Variants in CCDC180 observed in about 807,000 individuals in gnomAD.
CCDC180 encodes the protein coiled-coil domain-containing protein 180.
A neutral mutation model predicts 209.2 loss-of-function variants in CCDC180; 154 were observed. That is an observed-to-expected ratio of 0.74 (90% CI 0.65 to 0.84). The LOEUF is 0.84. Ranked by LOEUF, CCDC180 falls within the 40% of genes least tolerant of loss-of-function variation. The probability of loss-of-function intolerance (pLI) is 0.00; values close to 1 mark genes in which losing one functional copy is unlikely to be tolerated. For synonymous variants in CCDC180, 778 were observed against 749.1 expected, an observed-to-expected ratio of 1.04 and a Z score of -0.63; for missense variants, 1,874 against 1,997.3, an observed-to-expected ratio of 0.94 and a Z score of 1.18.
Position 97,366,399 on chromosome 9 carries a change from G to A in CCDC180, c.4048-160G>A, listed in dbSNP as rs1443307830. On this transcript the variant is annotated intron_variant, in intron 30 of 36. Coordinates refer to ENST00000529487, the MANE Select transcript of CCDC180 (RefSeq NM_020893.6). The surrounding 1 kb of genome is among the most constrained non-coding windows in gnomAD (Gnocchi z 4.3). Reference sequence around the variant, plus strand: ...AGGTGGGCCCAGGGAGGCGACACGGGCAGACAGGGAAGGAGGAGTGTCTGC... The same window carrying A: ...AGGTGGGCCCAGGGAGGCGACACGGACAGACAGGGAAGGAGGAGTGTCTGC... 6.6e-6 allele frequency among the ~76,000 whole-genome samples: 1 copy of A among 152,230 alleles called. No individual in the cohort carries two copies. The highest frequency in any genetic ancestry group is 2.4e-5 in the African/African-American group (1 of 41,454).
At chr9:97,361,514 T>G (rs1826751195) in intron 26 of CCDC180, among the ~76,000 whole-genome samples, 1 of 151,922 alleles carries the variant, frequency 6.6e-6, no homozygotes, top group Admixed American at 6.6e-5. Flanking sequence ...CCCGGGAAAA[T>G]TTCTAAAGGC....
intron 19 of CCDC180, among the ~76,000 whole-genome samples, chr9:97,346,985 C>T (rs1587817357): frequency 6.6e-6 from 1 of 152,318 alleles, no homozygotes; most frequent in East Asian, 1.9e-4. Flanking sequence ...GAAATAGGAA[C>T]ATTGCTGATA....
chr9:97,342,439 AC>A (rs1220050045), intron 18 of CCDC180, among the ~76,000 whole-genome samples: 29 of 151,618 alleles, frequency 1.9e-4, no homozygotes, highest in African/African-American at 6.8e-4. Context: ...CTTGGAACAG[AC>A]CTCTAATTTT....
intron 22 of CCDC180, among the ~76,000 whole-genome samples, chr9:97,352,389 G>A (rs1826445336): frequency 6.6e-6 from 1 of 152,148 alleles, no homozygotes; most frequent in Non-Finnish European, 1.5e-5. Context: ...TGGGCTCTGG[G>A]TGTGGTGTCA....
At chr9:97,338,935 T>G (rs963350359) in intron 18 of CCDC180, among the ~76,000 whole-genome samples, 5 of 152,238 alleles carry the variant, frequency 3.3e-5, no homozygotes, top group South Asian at 2.1e-4. Flanking sequence ...TCTCTTTTGA[T>G]CTTTGTTGGT....
At chr9:97,345,715 C>G in intron 19 of CCDC180, 1 of 300,696 alleles carries the variant, frequency 3.3e-6, no homozygotes, top group South Asian at 2.8e-5. Context: ...AGTGCTGCTG[C>G]ACTCCTGACT....
chr9:97,355,437 T>C (rs984026736), intron 24 of CCDC180, among the ~76,000 whole-genome samples: 1 of 152,194 alleles, frequency 6.6e-6, no homozygotes, highest in Non-Finnish European at 1.5e-5. Context: ...ATTACAGACA[T>C]GAGCCACTGC....
In CCDC180 at chr9:97,312,135, G is replaced by A; in HGVS notation, c.283G>A (p.Glu95Lys). ...CAGGGAAAAGGAAAGAGCCAAGAGG[G>A]AAAAAGCCCGAGAGAGTGAGAACAC... ...LHREKERAKR[E>K]KARESENTIA... Residue 95 changes from glutamate (E) to lysine (K), a missense_variant, in exon 4 of 37, where the codon GAA becomes AAA. By Grantham distance (56) the Glu-to-Lys change is moderately conservative. Coordinates refer to ENST00000529487, the MANE Select transcript of CCDC180 (RefSeq NM_020893.6). The A allele has an allele frequency of 1.2e-6, 2 of 1,613,924 alleles. No homozygotes were observed. The highest frequency in any genetic ancestry group is 1.1e-5 in the South Asian group (1 of 91,070).
intron 22 of CCDC180, 136 bp downstream of exon 22, chr9:97,350,691 C>A: frequency 1.1e-6 from 1 of 942,236 alleles, no homozygotes; most frequent in Non-Finnish European, 1.6e-6. Flanking sequence ...TTTTTAGGTG[C>A]ACAGATCAGT....
chr9:97,362,494 A>C, intron 28 of CCDC180, 53 bp downstream of exon 28: 1 of 1,583,108 alleles, frequency 6.3e-7, no homozygotes, highest in Non-Finnish European at 8.6e-7. Context: ...CCCCCACACA[A>C]AGGCAGGAGA....
intron 8 of CCDC180, 127 bp from the exon 9 acceptor site, chr9:97,316,938 C>A: frequency 1.2e-6 from 1 of 850,840 alleles, no homozygotes; most frequent in Non-Finnish European, 1.8e-6. Context: ...GGCCCTGCAA[C>A]CACCCCACTT....
chr9:97,335,417 G>C (rs1175900025), intron 18 of CCDC180, among the ~76,000 whole-genome samples: 1 of 152,080 alleles, frequency 6.6e-6, no homozygotes, highest in South Asian at 2.1e-4. Flanking sequence ...CTATGAGTGA[G>C]AACATACAGT....
At position 97,308,007 on chromosome 9, in the gene CCDC180, C is replaced by T; in HGVS notation, c.-57C>T. On this transcript the variant is annotated 5_prime_UTR_variant, in exon 2 of 37. Transcript: ENST00000529487. ...GGAATTGGAATTGAGACACCAAAGC[C>T]TAGACGCGTTTCCTGGACGACGGCT... The T allele has an allele frequency of 6.2e-7, 1 of 1,608,310 alleles. No individual in the cohort carries two copies. The highest frequency in any genetic ancestry group is 8.5e-7 in the Non-Finnish European group (1 of 1,177,328).
chr9:97,378,489 C>A lies in CCDC180; in HGVS notation c.*1595C>A, dbSNP rs1273360526. On this transcript the variant is annotated 3_prime_UTR_variant, in exon 37 of 37. Transcript: ENST00000529487. Reference sequence around the variant, plus strand: ...CAACAGGTCACAGGACAGCACTTAACCTTACTAGAAAGGCTGCTTTCTAAT... The same window carrying A: ...CAACAGGTCACAGGACAGCACTTAAACTTACTAGAAAGGCTGCTTTCTAAT... The A allele has an allele frequency of 6.6e-6, 1 of 152,210 alleles. No homozygotes were observed. Among genetic ancestry groups the A allele is most frequent in the Non-Finnish European group, 1.5e-5 (1 of 68,044 alleles). The allele number at this position is 152,210 out of a possible 1,614,324, so 9.4% of individuals were successfully genotyped here. A position where few individuals can be genotyped will look rare whatever the true frequency, so the allele number is the denominator to read the frequency against.
chr9:97,375,089 G>C (rs1827210924), intron 35 of CCDC180, among the ~76,000 whole-genome samples: 1 of 152,208 alleles, frequency 6.6e-6, no homozygotes, highest in African/African-American at 2.4e-5. Context: ...GATTTGCCCA[G>C]CTATGTTCTC....
At chr9:97,361,538 T>G (rs1826752119) in intron 26 of CCDC180, among the ~76,000 whole-genome samples, 188 bp from the exon 27 acceptor site, 1 of 152,050 alleles carries the variant, frequency 6.6e-6, no homozygotes, top group Admixed American at 6.5e-5. Context: ...AATAAACGGA[T>G]GAATGAATGA....
In CCDC180 at chr9:97,366,654, G is replaced by A. The variant is rs1313107559; in HGVS notation, c.4143G>A (p.Leu1381=). The A allele has an allele frequency of 2.5e-6, 4 of 1,614,186 alleles. No homozygotes were observed. In the Admixed American group the frequency reaches 6.7e-5, roughly 27 times the overall value. Residue 1381 remains leucine, a synonymous_variant, in exon 31 of 37, where the codon CTG becomes CTA. Transcript: ENST00000529487. This position sits in a 1 kb window ranked among gnomAD's most constrained non-coding sequence, Gnocchi z 4.3. ...CCGAGAACATTAGCAAAAAGATCCTGGAGTATCAGAGCCAGGCAAATAAGT... is the reference window on the plus strand; with the variant it reads ...CCGAGAACATTAGCAAAAAGATCCTAGAGTATCAGAGCCAGGCAAATAAGT... ...QCAENISKKI[L]EYQSQANKYH... is the part of the protein sequence containing the mutation.
rs1280938971 is a variant in CCDC180, at chr9:97,360,133, TG to T, written c.3483+35del. On this transcript the variant is annotated intron_variant, in intron 26 of 36. Transcript: ENST00000529487. ...AATGGGATAGGGTGGCAGGAAAGGG[TG>T]GGTGAGCTGTTGTCTGGGCTCCCAG... 3 of 1,606,582 alleles carry T rather than the reference TG, an allele frequency of 1.9e-6. No homozygotes were observed. The African/African-American group carries it at 4.0e-5, about 22-fold the overall frequency.
intron 22 of CCDC180, among the ~76,000 whole-genome samples, chr9:97,351,194 A>G (rs914721267): frequency 6.6e-6 from 1 of 152,228 alleles, no homozygotes; most frequent in African/African-American, 2.4e-5. Context: ...GCTGGATTAA[A>G]TGGTAATTCT....
Sources: allele counts gnomAD v4.1 joint callset (sites outside exome capture counted in the v4.1 genomes callset), GRCh38; gene constraint gnomAD v4.1.1; non-coding constraint Gnocchi (gnomAD v3.1); transcripts MANE v1.5; gene names NCBI Gene and HGNC (gene_info 2026-07-23, HGNC 2026-07-21).